The following NBDY variants were observed in gnomAD, a reference collection of about 807,000 sequenced individuals.
NBDY encodes P-body dissociating protein.
chrX:56,781,120 G>A (rs1013472297), intron 2 of NBDY, among the ~76,000 whole-genome samples: 1 of 111,465 alleles, frequency 9.0e-6, no homozygotes, highest in Middle Eastern at 4.7e-3. Context: ...AGAGGTTCTT[G>A]TTTTTACCTT....
At chrX:56,816,612 A>G (rs1451726942) in intron 2 of NBDY, among the ~76,000 whole-genome samples, 1 of 111,311 alleles carries the variant, frequency 9.0e-6, no homozygotes, top group Admixed American at 9.6e-5. Flanking sequence ...AAAAATTATT[A>G]AGACATTTAT....
chrX:56,738,972 C>T (rs1019729723), intron 2 of NBDY, among the ~76,000 whole-genome samples: 1 of 109,052 alleles, frequency 9.2e-6, no homozygotes, highest in African/African-American at 3.3e-5. Flanking sequence ...TGCAGCATTC[C>T]TTCCTCCTGG....
At chrX:56,792,780 T>G (rs1451950513) in intron 2 of NBDY, among the ~76,000 whole-genome samples, 3 of 111,631 alleles carry the variant, frequency 2.7e-5, no homozygotes, top group African/African-American at 9.8e-5. Flanking sequence ...GCTCCAGGCC[T>G]GGGTCATCAT....
chrX:56,802,846 G>A (rs1311741811), intron 2 of NBDY, among the ~76,000 whole-genome samples: 2 of 112,737 alleles, frequency 1.8e-5, no homozygotes, highest in Admixed American at 9.3e-5. Flanking sequence ...AGTGTCTCCT[G>A]CCTACTGGTC....
intron 2 of NBDY, among the ~76,000 whole-genome samples, chrX:56,798,447 T>G (rs2069804763): frequency 9.0e-6 from 1 of 111,397 alleles, no homozygotes; most frequent in Non-Finnish European, 1.9e-5. Context: ...CACGAGTTGC[T>G]GAGTGTGCTT....
At chrX:56,794,649 G>T (rs1207836605) in intron 2 of NBDY, among the ~76,000 whole-genome samples, 1 of 108,399 alleles carries the variant, frequency 9.2e-6, no homozygotes, top group East Asian at 2.9e-4. Context: ...TGGGGGCAGT[G>T]TGAGGGGGTA....
chrX:56,754,725 G>A (rs965316530), intron 2 of NBDY, among the ~76,000 whole-genome samples: 3 of 111,115 alleles, frequency 2.7e-5, no homozygotes, highest in South Asian at 7.5e-4. Flanking sequence ...AGCTGTAAAT[G>A]TCAACATTAG....
intron 2 of NBDY, among the ~76,000 whole-genome samples, chrX:56,784,607 C>T (rs1243043377): frequency 9.0e-6 from 1 of 111,694 alleles, no homozygotes; most frequent in Non-Finnish European, 1.9e-5. Context: ...TCTCCTGGGC[C>T]TGTCTTTGTT....
intron 2 of NBDY, chrX:56,811,304 A>G (rs961027684): frequency 8.9e-6 from 1 of 112,025 alleles, no homozygotes; most frequent in Non-Finnish European, 1.9e-5. Context: ...CTGCTGCTCT[A>G]TTCAGAGGTA....
chrX:56,734,384 G>A (rs138582999), intron 2 of NBDY, among the ~76,000 whole-genome samples: 1,805 of 111,942 alleles, frequency 0.016, 19 homozygotes, highest in Middle Eastern at 0.046. Flanking sequence ...TTTTTGCAAA[G>A]TATAATAAAA....
chrX:56,737,561 GCCTGCTTGCCAGCCATTTTGA>G, intron 2 of NBDY: 6 of 775,400 alleles, frequency 7.7e-6, no homozygotes, highest in Non-Finnish European at 1.1e-5. Context: ...TGCTGAAATG[GCCTGCTTGCCAGCCATTTTGA>G]CCTGCTTTAA....
intron 2 of NBDY, among the ~76,000 whole-genome samples, chrX:56,785,896 C>T (rs774694528): frequency 9.0e-6 from 1 of 111,203 alleles, no homozygotes; most frequent in Non-Finnish European, 1.9e-5. Flanking sequence ...TTGTCCACTT[C>T]TGTTTGGGGA....
intron 2 of NBDY, among the ~76,000 whole-genome samples, chrX:56,781,820 C>G (rs559825139): frequency 8.9e-6 from 1 of 111,842 alleles, no homozygotes; most frequent in African/African-American, 3.3e-5. Flanking sequence ...TGCCGTGTCT[C>G]CATATTGCCA....
At chrX:56,757,259 C>A (rs2069615895) in intron 2 of NBDY, among the ~76,000 whole-genome samples, 1 of 111,915 alleles carries the variant, frequency 8.9e-6, no homozygotes, top group African/African-American at 3.2e-5. Context: ...TGTAGAAGTG[C>A]ATCTTGTACT....
chrX:56,802,647 GGGTAATTCAGCTGGGT>G (rs2069829758), intron 2 of NBDY, among the ~76,000 whole-genome samples: 1 of 113,219 alleles, frequency 8.8e-6, no homozygotes, highest in Non-Finnish European at 1.9e-5. Context: ...GCAAAACCTT[GGGTAATTCAGCTGGGT>G]GACCAGCACC....
intron 2 of NBDY, among the ~76,000 whole-genome samples, chrX:56,808,198 G>T (rs1192039908): frequency 9.0e-6 from 1 of 111,259 alleles, no homozygotes; most frequent in Non-Finnish European, 1.9e-5. Context: ...TTTTTCAAAT[G>T]CTGCCTAAAA....
At chrX:56,785,010 G>A (rs1426981482) in intron 2 of NBDY, among the ~76,000 whole-genome samples, 3 of 111,588 alleles carry the variant, frequency 2.7e-5, no homozygotes, top group South Asian at 3.8e-4. Context: ...TGTGTAGGCC[G>A]CACTGGGAAT....
intron 2 of NBDY, among the ~76,000 whole-genome samples, chrX:56,784,351 A>C (rs2069714793): frequency 9.0e-6 from 1 of 111,533 alleles, no homozygotes; most frequent in Non-Finnish European, 1.9e-5. Context: ...CTGGACTGGA[A>C]GGACTCCTGT....
chrX:56,766,589 C>T (rs902076514), intron 2 of NBDY, among the ~76,000 whole-genome samples: 1 of 112,063 alleles, frequency 8.9e-6, no homozygotes, highest in African/African-American at 3.2e-5. Flanking sequence ...ACATTCTCTT[C>T]GACAGGGGTT....
Sources: allele counts gnomAD v4.1 joint callset (sites outside exome capture counted in the v4.1 genomes callset), GRCh38; gene constraint gnomAD v4.1.1; transcripts MANE v1.5; gene names NCBI Gene and HGNC (gene_info 2026-07-23, HGNC 2026-07-21).